The following CCDC30 variants were observed in gnomAD, a reference collection of about 807,000 sequenced individuals.
The protein encoded by CCDC30 is coiled-coil domain-containing protein 30.
In CCDC30, 70 loss-of-function variants were observed where a neutral mutation model predicts 100.2. The ratio of observed to expected loss-of-function variants is 0.70; its 90% CI spans 0.58 to 0.85. CCDC30 has a LOEUF of 0.85. CCDC30 is among the 40% of genes least tolerant of loss of function. CCDC30 has a pLI of 0.00. For synonymous variants in CCDC30, 233 were observed against 269.5 expected, an observed-to-expected ratio of 0.86 and a Z score of 1.33; for missense variants, 652 against 771.2, an observed-to-expected ratio of 0.85 and a Z score of 1.83.
intron 11 of CCDC30, among the ~76,000 whole-genome samples, chr1:42,634,472 T>C (rs1647110380): frequency 6.6e-6 from 1 of 152,162 alleles, no homozygotes; most frequent in African/African-American, 2.4e-5. Flanking sequence ...CAGAGGTTTG[T>C]TTAGAGTTAT....
chr1:42,563,234 G>A (rs1350642416), intron 6 of CCDC30, among the ~76,000 whole-genome samples: 1 of 152,166 alleles, frequency 6.6e-6, no homozygotes, highest in African/African-American at 2.4e-5. Flanking sequence ...ATTGGATAAA[G>A]GAAATGTGGT....
chr1:42,628,528 A>C (rs894772737), intron 11 of CCDC30, among the ~76,000 whole-genome samples: 1 of 152,102 alleles, frequency 6.6e-6, no homozygotes, highest in African/African-American at 2.4e-5. Context: ...CTTATCTTGA[A>C]TTTTGTCTCC....
chr1:42,563,126 A>G (rs1645529013), intron 6 of CCDC30, among the ~76,000 whole-genome samples: 3 of 152,210 alleles, frequency 2.0e-5, no homozygotes, highest in Admixed American at 2.0e-4. Flanking sequence ...AGAAATATAA[A>G]TCATTCTACT....
chr1:42,648,744 T>A (rs1256833367), intron 15 of CCDC30, among the ~76,000 whole-genome samples: 1 of 149,242 alleles, frequency 6.7e-6, no homozygotes, highest in East Asian at 2.0e-4. Flanking sequence ...ATATAGAAGA[T>A]CAATGAAACA....
At chr1:42,556,657 A>G (rs1645377163) in intron 6 of CCDC30, among the ~76,000 whole-genome samples, 1 of 152,140 alleles carries the variant, frequency 6.6e-6, no homozygotes, top group Non-Finnish European at 1.5e-5. Flanking sequence ...ATCCAGGTAC[A>G]CTCTTTGAGT....
intron 6 of CCDC30, among the ~76,000 whole-genome samples, chr1:42,529,183 C>T (rs1467328361): frequency 6.6e-6 from 1 of 152,056 alleles, no homozygotes. Flanking sequence ...ATCTTTAAAA[C>T]CGGAAAATGA....
chr1:42,647,034 A>T (rs1647942744), intron 15 of CCDC30, among the ~76,000 whole-genome samples: 1 of 152,210 alleles, frequency 6.6e-6, no homozygotes, highest in Non-Finnish European at 1.5e-5. Flanking sequence ...TGGGAGGCAG[A>T]GGTTGCAGTG....
chr1:42,570,279 T>C (rs1251000777), intron 7 of CCDC30, among the ~76,000 whole-genome samples: 2 of 151,596 alleles, frequency 1.3e-5, no homozygotes, highest in African/African-American at 4.9e-5. Flanking sequence ...TGAGCTATGA[T>C]CACACCACTG....
At chr1:42,543,061 A>C (rs1290995353) in intron 6 of CCDC30, among the ~76,000 whole-genome samples, 6 of 151,906 alleles carry the variant, frequency 3.9e-5, no homozygotes, top group Non-Finnish European at 7.4e-5. Context: ...GTTCCTTTAT[A>C]ATCTGACCTC....
chr1:42,547,792 A>C (rs145953835), intron 6 of CCDC30, among the ~76,000 whole-genome samples: 309 of 152,276 alleles, frequency 2.0e-3, no homozygotes, highest in African/African-American at 6.4e-3. Context: ...TTGGCAAGAC[A>C]TTGTGTATCT....
chr1:42,609,519 T>C (rs544507153), intron 10 of CCDC30, among the ~76,000 whole-genome samples: 1 of 152,284 alleles, frequency 6.6e-6, no homozygotes, highest in African/African-American at 2.4e-5. Flanking sequence ...CTGATTAGTG[T>C]AACTCCCTAC....
At chr1:42,545,002 A>T (rs917836249) in intron 6 of CCDC30, among the ~76,000 whole-genome samples, 4 of 151,746 alleles carry the variant, frequency 2.6e-5, no homozygotes, top group Non-Finnish European at 5.9e-5. Flanking sequence ...ATTATATATT[A>T]TTGCTTTTAT....
At chr1:42,510,141 A>G in intron 6 of CCDC30, 4 of 984,222 alleles carry the variant, frequency 4.1e-6, no homozygotes, top group Non-Finnish European at 4.8e-6. Flanking sequence ...TGAGGGTTTC[A>G]ATTAGGGTTG....
intron 11 of CCDC30, among the ~76,000 whole-genome samples, chr1:42,616,864 C>A (rs1263942719): frequency 2.6e-5 from 4 of 152,034 alleles, no homozygotes; most frequent in Non-Finnish European, 4.4e-5. Flanking sequence ...CGGAGAGTAT[C>A]CTAAATATCA....
At chr1:42,545,341 A>G in intron 6 of CCDC30, 69 bp from the exon 9 acceptor site, 3 of 1,246,520 alleles carry the variant, frequency 2.4e-6, no homozygotes, top group Non-Finnish European at 3.3e-6. Context: ...TGAAATCAGT[A>G]TACTTTTTTT....
chr1:42,577,563 G>A (rs538019247), intron 8 of CCDC30, among the ~76,000 whole-genome samples: 1 of 152,260 alleles, frequency 6.6e-6, no homozygotes, highest in Non-Finnish European at 1.5e-5. Flanking sequence ...TAATGTAAAT[G>A]TTGTTTTAAT....
intron 11 of CCDC30, among the ~76,000 whole-genome samples, chr1:42,618,197 A>G (rs1319543917): frequency 6.7e-6 from 1 of 148,656 alleles, no homozygotes; most frequent in African/African-American, 2.5e-5. Flanking sequence ...CTCTGAAGCT[A>G]TAGACTGGAG....
At chr1:42,619,365 G>A (rs1646786382) in intron 11 of CCDC30, among the ~76,000 whole-genome samples, 1 of 152,148 alleles carries the variant, frequency 6.6e-6, no homozygotes, top group Admixed American at 6.5e-5. Flanking sequence ...GGGGCCAAGG[G>A]AAAACTTCTC....
intron 10 of CCDC30, among the ~76,000 whole-genome samples, chr1:42,602,103 G>T (rs1646415043): frequency 6.6e-6 from 1 of 151,890 alleles, no homozygotes; most frequent in South Asian, 2.1e-4. Context: ...GTGAGCTCAA[G>T]ACAGGGTATT....
Sources: gnomAD v4.1 joint callset for allele counts (sites outside exome capture counted in the v4.1 genomes callset) on GRCh38, gnomAD v4.1.1 for gene constraint, MANE v1.5 for transcripts, NCBI Gene and HGNC (gene_info 2026-07-23, HGNC 2026-07-21) for gene names.